SHANK2: variants seen among roughly 807,000 people sequenced by gnomAD.
The protein encoded by SHANK2 is SH3 and multiple ankyrin repeat domains 2.
SHANK2 carries 43 observed loss-of-function variants against 133.7 expected under a neutral mutation model. The observed-to-expected ratio is 0.32, with a 90% CI of 0.25 to 0.41. SHANK2 has a LOEUF of 0.41. Ranked by LOEUF, SHANK2 falls within the 10% of genes least tolerant of loss-of-function variation. The pLI is 1.00. For synonymous variants in SHANK2, 1,017 were observed against 952.8 expected (o/e 1.07, Z -1.24); for missense variants, 1,994 against 2,235.8 (o/e 0.89, Z 2.18).
At chr11:71,235,123 TAGC>T (rs1445888393) in intron 1 of SHANK2, among the ~76,000 whole-genome samples, 1 of 152,092 alleles carries the variant, frequency 6.6e-6, no homozygotes, top group African/African-American at 2.4e-5. Context: ...ATTTCCTGAG[TAGC>T]AGAAGTGAGT....
At chr11:70,716,885 G>A (rs371098920) in intron 14 of SHANK2, among the ~76,000 whole-genome samples, 72 of 126,330 alleles carry the variant, frequency 5.7e-4, no homozygotes, top group African/African-American at 2.0e-3. Context: ...TCACTGGACC[G>A]GGTCCCGGAG....
At chr11:70,516,564 G>C (rs571603389) in intron 17 of SHANK2, among the ~76,000 whole-genome samples, 1 of 152,184 alleles carries the variant, frequency 6.6e-6, no homozygotes, top group East Asian at 1.9e-4. Context: ...TGATTTCTTA[G>C]ATACAACACC....
At chr11:70,800,837 G>T (rs782519810) in intron 13 of SHANK2, among the ~76,000 whole-genome samples, 1 of 152,210 alleles carries the variant, frequency 6.6e-6, no homozygotes, top group African/African-American at 2.4e-5. Flanking sequence ...AGGACTTGCT[G>T]CTGCGCCACC....
intron 1 of SHANK2, chr11:71,240,913 G>A (rs1555124331): frequency 6.6e-6 from 1 of 152,268 alleles, no homozygotes; most frequent in African/African-American, 2.4e-5. Context: ...CCGGAACTGG[G>A]AGCAGCTTTC....
chr11:70,661,720 C>G, intron 15 of SHANK2, 42 bp from the exon 16 acceptor site: 1 of 1,614,114 alleles, frequency 6.2e-7, no homozygotes, highest in Non-Finnish European at 8.5e-7. Context: ...TATTGTAGCC[C>G]GTCATCATCA....
At chr11:71,215,789 A>G (rs1173138838) in intron 2 of SHANK2, among the ~76,000 whole-genome samples, 1 of 152,172 alleles carries the variant, frequency 6.6e-6, no homozygotes, top group Non-Finnish European at 1.5e-5. Context: ...ACACCCCAGA[A>G]GCGGCACCCC....
chr11:70,743,402 C>G (rs1009770344), intron 14 of SHANK2, among the ~76,000 whole-genome samples: 3 of 152,174 alleles, frequency 2.0e-5, no homozygotes, highest in South Asian at 4.1e-4. Context: ...CCCTCGCCCC[C>G]CAATGCGAGC....
rs1293404037 is a variant in SHANK2, at chr11:70,468,594, A to G, written c.*4275T>C. 1.3e-5 allele frequency: 2 copies of G among 152,254 alleles called. No homozygotes were observed. Among genetic ancestry groups the G allele is most frequent in the African/African-American group, 2.4e-5 (1 of 41,478 alleles). The allele number at this position is 152,254 out of a possible 1,614,324, so 9.4% of individuals were successfully genotyped here. A position where few individuals can be genotyped will look rare whatever the true frequency, so the allele number is the denominator to read the frequency against. On this transcript the variant is annotated 3_prime_UTR_variant, in exon 26 of 26. Coordinates refer to ENST00000601538, the MANE Select transcript of SHANK2 (RefSeq NM_012309.5). Reference sequence around the variant, plus strand: ...AAATCTTCCAATAATTTTCCTAGTAAGGTAAACGAATATATTCATCTAGGA... The same window carrying G: ...AAATCTTCCAATAATTTTCCTAGTAGGGTAAACGAATATATTCATCTAGGA...
At chr11:71,139,615 G>A (rs1952514880) in intron 3 of SHANK2, among the ~76,000 whole-genome samples, 1 of 152,188 alleles carries the variant, frequency 6.6e-6, no homozygotes, top group Non-Finnish European at 1.5e-5. Flanking sequence ...GAGCTCACCA[G>A]TTTGTATTGA....
chr11:70,496,067 T>TTGAC (rs765574398), intron 21 of SHANK2, among the ~76,000 whole-genome samples: 2 of 152,130 alleles, frequency 1.3e-5, no homozygotes, highest in Non-Finnish European at 2.9e-5. Flanking sequence ...GCGTTGAACA[T>TTGAC]TGACAGGTGT....
intron 11 of SHANK2, among the ~76,000 whole-genome samples, chr11:70,879,161 C>T (rs1481793866): frequency 2.6e-5 from 4 of 152,090 alleles, no homozygotes; most frequent in African/African-American, 9.7e-5. Flanking sequence ...CCATGAACTG[C>T]TGCTGCTTCA....
chr11:70,538,939 C>T (rs782218049), intron 17 of SHANK2, among the ~76,000 whole-genome samples: 2 of 152,216 alleles, frequency 1.3e-5, no homozygotes, highest in African/African-American at 2.4e-5. Context: ...TAGAAGAGGA[C>T]GTGGGCTAGG....
In SHANK2 at chr11:70,760,396, G is replaced by A. The variant is rs563981822; in HGVS notation, c.1777+38047C>T. On this transcript the variant is annotated intron_variant, in intron 14 of 25. Transcript: ENST00000601538. ...AAATTTATAAATCGTGCAATTCTTG[G>A]GCTGACATGTGACTTTCTGCTCCCC... is the stretch of plus-strand genomic sequence containing the variant. 4.6e-5 allele frequency among the ~76,000 whole-genome samples: 7 copies of A among 152,282 alleles called. No homozygotes were observed. The South Asian group carries it at 1.5e-3, about 32-fold the overall frequency.
At chr11:70,489,384 C>A (rs547074108) in intron 23 of SHANK2, 36 bp from the exon 24 acceptor site, 17 of 1,610,898 alleles carry the variant, frequency 1.1e-5, no homozygotes, top group Admixed American at 5.0e-5. Flanking sequence ...TAACCAGTAA[C>A]CGCAAGACAA....
chr11:70,639,648 C>G (rs1315208246), intron 17 of SHANK2, among the ~76,000 whole-genome samples: 1 of 152,150 alleles, frequency 6.6e-6, no homozygotes, highest in Non-Finnish European at 1.5e-5. Context: ...ATCTGATTTT[C>G]CCAGCAACAC....
chr11:70,617,290 A>G lies in SHANK2; in HGVS notation c.2061+42538T>C, dbSNP rs117184668. 4.6e-3 allele frequency among the ~76,000 whole-genome samples: 681 copies of G among 148,230 alleles called. 14 individuals carry two copies. The East Asian group carries it at 0.051, about 11-fold the overall frequency. ...ATGTCTATGATGGTGTATGTTTGTC[A>G]GTGCCTGAGAGAGTATGTGTGTGTG... On this transcript the variant is annotated intron_variant, in intron 17 of 25. Coordinates refer to ENST00000601538, the MANE Select transcript of SHANK2 (RefSeq NM_012309.5).
At position 70,925,044 on chromosome 11, in the gene SHANK2, G is replaced by A. The variant is rs75145543; in HGVS notation, c.1108-28477C>T. ...CACTCTAAGCTTCCCTCCACCAAGC[G>A]GTCAGGAAATAGACAAAGCCAGATA... is the stretch of plus-strand genomic sequence containing the variant. On this transcript the variant is annotated intron_variant, in intron 10 of 25. Transcript: ENST00000601538. Among the ~76,000 whole-genome samples the A allele has an allele frequency of 6.3e-3, 955 of 152,178 alleles. 10 individuals carry two copies. Among genetic ancestry groups the A allele is most frequent in the African/African-American group, 0.021 (877 of 41,512 alleles).
At chr11:71,130,809 C>T (rs74974504) in intron 3 of SHANK2, among the ~76,000 whole-genome samples, 1 of 152,218 alleles carries the variant, frequency 6.6e-6, no homozygotes, top group Non-Finnish European at 1.5e-5. Context: ...ATTCCCTATT[C>T]AGGATCTGGA....
At chr11:70,530,152 C>T (rs1251226402) in intron 17 of SHANK2, among the ~76,000 whole-genome samples, 2 of 152,310 alleles carry the variant, frequency 1.3e-5, no homozygotes, top group East Asian at 3.9e-4. Flanking sequence ...GTGGGAGCAA[C>T]CCAAATGTCC....
Sources: allele counts gnomAD v4.1 joint callset (sites outside exome capture counted in the v4.1 genomes callset), GRCh38; gene constraint gnomAD v4.1.1; transcripts MANE v1.5; gene names NCBI Gene and HGNC (gene_info 2026-07-23, HGNC 2026-07-21).